The following ME3 variants were observed in gnomAD, a reference collection of about 807,000 sequenced individuals.
ME3 encodes the protein NADP-dependent malic enzyme, mitochondrial.
Under a neutral mutation model 68.9 loss-of-function variants are expected in ME3, and 48 were observed. That is an observed-to-expected ratio of 0.70 (90% CI 0.55 to 0.89). ME3 has a LOEUF of 0.89. Among genes scored for constraint, ME3 ranks in the 40% least tolerant of loss-of-function variants. The probability of loss-of-function intolerance (pLI) is 0.00; values close to 1 mark genes in which losing one functional copy is unlikely to be tolerated. For synonymous variants in ME3, 320 were observed against 318.8 expected (o/e 1.00, Z -0.04); for missense variants, 675 against 797.4 (o/e 0.85, Z 1.85).
intron 8 of ME3, among the ~76,000 whole-genome samples, chr11:86,453,591 TA>T (rs926014417): frequency 1.3e-5 from 2 of 152,256 alleles, no homozygotes; most frequent in African/African-American, 4.8e-5. Flanking sequence ...GGACACTTTG[TA>T]AAATTTGAAT....
intron 7 of ME3, among the ~76,000 whole-genome samples, chr11:86,467,991 C>G (rs1950580920): frequency 6.6e-6 from 1 of 152,062 alleles, no homozygotes; most frequent in African/African-American, 2.4e-5. Context: ...TTAAGGAACC[C>G]CAGAACTCCT....
Position 86,558,952 on chromosome 11 carries a change from C to T in ME3, c.317+738G>A, listed in dbSNP as rs139730127. Among the ~76,000 whole-genome samples the T allele has an allele frequency of 5.3e-5, 8 of 152,264 alleles. 1 individual carries two copies. Among genetic ancestry groups the T allele is most frequent in the Admixed American group, 6.5e-5 (1 of 15,294 alleles). ...CTAGTACTAGAGTCTGGTCTTGTAG[C>T]CACTGGTCCCTGCTGCATCTTAGCT... On this transcript the variant is annotated intron_variant, in intron 3 of 14. Transcript: ENST00000543262.
intron 2 of ME3, among the ~76,000 whole-genome samples, chr11:86,590,447 G>A (rs1277250081): frequency 2.0e-5 from 3 of 152,232 alleles, no homozygotes; most frequent in Non-Finnish European, 4.4e-5. Context: ...CTCCCTGCGG[G>A]CTGGGAGGAG....
chr11:86,448,227 T>C, exon 11 of ME3: 1 of 1,614,102 alleles, frequency 6.2e-7, no homozygotes. Context: ...GGCAAACATC[T>C]CCTTTTCATG....
intron 2 of ME3, among the ~76,000 whole-genome samples, chr11:86,606,708 C>T (rs1938938): frequency 0.18 from 26,873 of 152,116 alleles, 2,753 homozygotes; most frequent in East Asian, 0.4. Context: ...TTATAACTCT[C>T]CCAGTACAGA....
In ME3 at chr11:86,654,709, C is replaced by T. The variant is rs534335269; in HGVS notation, c.183+17053G>A. Among the ~76,000 whole-genome samples, 6 of 152,330 alleles carry T rather than the reference C, an allele frequency of 3.9e-5. No homozygotes were observed. In the South Asian group the frequency reaches 6.2e-4, roughly 16 times the overall value. On this transcript the variant is annotated intron_variant, in intron 2 of 14. Coordinates refer to ENST00000543262, the Ensembl canonical transcript of ME3. ...CACAAGACAGGGATGCCCTCTCTCA[C>T]CACTCCTATTCAACATAGTGTTGGA...
chr11:86,438,251 T>C (rs578045881), downstream of ME3, among the ~76,000 whole-genome samples: 248 of 152,292 alleles, frequency 1.6e-3, 3 homozygotes, highest in Admixed American at 3.5e-3. Context: ...TTTTTTTGTC[T>C]TTCATTCTAT....
At chr11:86,531,987 C>CGAAGTGCTACATAAATATAATATTAT (rs1955277411) in intron 4 of ME3, among the ~76,000 whole-genome samples, 1 of 114,146 alleles carries the variant, frequency 8.8e-6, no homozygotes, top group African/African-American at 3.2e-5. Flanking sequence ...TAAAAAAAAC[C>CGAAGTGCTACATAAATATAATATTAT]AAACCAAAAA....
intron 2 of ME3, among the ~76,000 whole-genome samples, chr11:86,647,751 A>G: frequency 6.6e-6 from 1 of 152,242 alleles, no homozygotes; most frequent in Non-Finnish European, 1.5e-5. Context: ...ACCCAGATTC[A>G]TAAAGCAAGT....
At chr11:86,441,142 G>T in exon 15 of ME3, 2 of 838,600 alleles carry the variant, frequency 2.4e-6, no homozygotes, top group Non-Finnish European at 3.4e-6. Context: ...TGTATGCCTT[G>T]GCATCTCCTC....
chr11:86,634,957 GA>G (rs549908881), intron 2 of ME3, among the ~76,000 whole-genome samples: 3 of 152,180 alleles, frequency 2.0e-5, no homozygotes, highest in Non-Finnish European at 4.4e-5. Flanking sequence ...GGTAATTCTT[GA>G]GGGGTGAAAT....
intron 4 of ME3, among the ~76,000 whole-genome samples, chr11:86,521,455 A>AATAAT (rs57608294): frequency 5.2e-5 from 6 of 114,654 alleles, no homozygotes; most frequent in African/African-American, 2.1e-4. Context: ...ATAATAATAA[A>AATAAT]AAAATGGAGC....
At chr11:86,629,279 T>A (rs1042671111) in intron 2 of ME3, among the ~76,000 whole-genome samples, 9 of 152,346 alleles carry the variant, frequency 5.9e-5, no homozygotes, top group Non-Finnish European at 8.8e-5. Flanking sequence ...CCCAGAGGCA[T>A]GGCTTTGTCT....
chr11:86,618,299 C>CAAAAAAAAAAA lies in ME3; in HGVS notation c.183+53452_183+53462dup, dbSNP rs55824426. ...TGGGCGACAGAGCAAGGCTCTGTCT[C>CAAAAAAAAAAA]AAAAAAAAAAAAAAAAAAAAAAAAA... On this transcript the variant is annotated intron_variant, in intron 2 of 14. Transcript: ENST00000543262. Among the ~76,000 whole-genome samples the CAAAAAAAAAAA allele has an allele frequency of 3.5e-3, 197 of 55,934 alleles. 13 individuals carry two copies. Among genetic ancestry groups the CAAAAAAAAAAA allele is most frequent in the Middle Eastern group, 0.015 (1 of 66 alleles). The allele number at this position is 55,934 out of a possible 152,430, so 36.7% of individuals were successfully genotyped here. A position where few individuals can be genotyped will look rare whatever the true frequency, so the allele number is the denominator to read the frequency against.
chr11:86,646,497 A>G (rs1945023336), intron 2 of ME3, among the ~76,000 whole-genome samples: 1 of 152,232 alleles, frequency 6.6e-6, no homozygotes. Flanking sequence ...AGACAGGATT[A>G]GAGAACAAAG....
In ME3 at chr11:86,601,633, G is replaced by T. The variant is rs542092537; in HGVS notation, c.184-41810C>A. 5.3e-3 allele frequency among the ~76,000 whole-genome samples: 799 copies of T among 151,730 alleles called. 3 individuals are homozygous for T. Among genetic ancestry groups the T allele is most frequent in the African/African-American group, 0.018 (743 of 41,354 alleles). On this transcript the variant is annotated intron_variant, in intron 2 of 14. Coordinates refer to ENST00000543262, the Ensembl canonical transcript of ME3. ...CCAGCATCATCCTGATACCAAAGCC[G>T]GGCAGAGACACAACCAAAAAAGAGA...
intron 4 of ME3, among the ~76,000 whole-genome samples, chr11:86,529,972 C>G (rs144534063): frequency 0.052 from 7,916 of 152,224 alleles, 271 homozygotes; most frequent in Non-Finnish European, 0.071. Flanking sequence ...TCTCACCACT[C>G]CTATTCAACA....
At chr11:86,640,351 T>C (rs1180915061) in intron 2 of ME3, among the ~76,000 whole-genome samples, 2 of 152,220 alleles carry the variant, frequency 1.3e-5, no homozygotes, top group African/African-American at 4.8e-5. Flanking sequence ...AGGCAGCCTC[T>C]GACTTTTATT....
At chr11:86,508,899 A>T in intron 4 of ME3, 32 bp from the exon 5 acceptor site, 1 of 1,559,316 alleles carries the variant, frequency 6.4e-7, no homozygotes, top group Non-Finnish European at 8.8e-7. Context: ...CACACAGAGA[A>T]ACCAGGCAGT....
Sources: allele counts gnomAD v4.1 joint callset (sites outside exome capture counted in the v4.1 genomes callset), GRCh38; gene constraint gnomAD v4.1.1; transcripts MANE v1.5; gene names NCBI Gene and HGNC (gene_info 2026-07-23, HGNC 2026-07-21).